DMD: variants seen among roughly 807,000 people sequenced by gnomAD.
The protein encoded by DMD is mutant dystrophin.
In DMD, 63 loss-of-function variants were observed where a neutral mutation model predicts 330.1. The observed-to-expected ratio is 0.19, with a 90% CI of 0.16 to 0.24. DMD has a LOEUF of 0.24. Among genes scored for constraint, DMD ranks in the 10% least tolerant of loss-of-function variants. The pLI is 1.00. For missense variants in DMD, 3,344 were observed against 2,684.1 expected (o/e 1.25, Z -5.43); for synonymous variants, 1,223 against 959.8 (o/e 1.27, Z -5.07).
chrX:31,930,458 C>G (rs1173917214), intron 46 of DMD, among the ~76,000 whole-genome samples: 2 of 111,000 alleles, frequency 1.8e-5, no homozygotes, highest in African/African-American at 3.3e-5. Flanking sequence ...AGTGTATGCC[C>G]TTTCCCAAGA....
Position 33,009,132 on chromosome X carries a change from GTATATATATGTGTATA to G in DMD, c.93+10991_93+11006del, listed in dbSNP as rs1569548814. Among the ~76,000 whole-genome samples the G allele has an allele frequency of 9.5e-5, 3 of 31,509 alleles. 1 individual carries two copies. The highest frequency in any genetic ancestry group is 2.5e-4 in the African/African-American group (2 of 8,059). The allele number at this position is 31,509 out of a possible 115,157, so 27.4% of individuals were successfully genotyped here. ...TATATGTGTATATATACGTATATATGTATATATATGTGTATATATACGTATATATGTATATATATGT... is the reference window on the plus strand; with the variant it reads ...TATATGTGTATATATACGTATATATGTATACGTATATATGTATATATATGT... On this transcript the variant is annotated intron_variant, in intron 2 of 78. Coordinates refer to ENST00000357033, the MANE Select transcript of DMD (RefSeq NM_004006.3).
At chrX:32,718,332 C>G (rs182193303) in intron 7 of DMD, among the ~76,000 whole-genome samples, 1 of 110,870 alleles carries the variant, frequency 9.0e-6, no homozygotes, top group African/African-American at 3.3e-5. Flanking sequence ...TGTGTGAAAG[C>G]GTGTAGCATC....
intron 44 of DMD, among the ~76,000 whole-genome samples, chrX:32,040,203 T>G (rs1364455363): frequency 8.9e-6 from 1 of 111,993 alleles, no homozygotes; most frequent in African/African-American, 3.2e-5. Context: ...AAATTCAAGG[T>G]CGTTGGAGTG....
intron 43 of DMD, among the ~76,000 whole-genome samples, chrX:32,237,147 C>T (rs2097190969): frequency 9.0e-6 from 1 of 110,729 alleles, no homozygotes; most frequent in African/African-American, 3.3e-5. Flanking sequence ...CTACATGCCC[C>T]AAAATATTTT....
At chrX:33,075,593 CAGCAAATGAATTAATACCG>C (rs1400059285) in intron 1 of DMD, among the ~76,000 whole-genome samples, 3 of 112,346 alleles carry the variant, frequency 2.7e-5, no homozygotes, top group African/African-American at 9.7e-5. Flanking sequence ...TTTATAGCAA[CAGCAAATGAATTAATACCG>C]AGCAAATGAA....
intron 2 of DMD, among the ~76,000 whole-genome samples, chrX:33,001,140 T>G (rs1476044677): frequency 9.0e-6 from 1 of 111,565 alleles, no homozygotes. Context: ...TTACAAGATT[T>G]TTTGTGCTCC....
At chrX:31,530,295 C>T (rs938943759) in intron 55 of DMD, among the ~76,000 whole-genome samples, 1 of 111,742 alleles carries the variant, frequency 8.9e-6, no homozygotes, top group Non-Finnish European at 1.9e-5. Context: ...ACCTAAAATC[C>T]ATAATCAGAG....
intron 69 of DMD, among the ~76,000 whole-genome samples, chrX:31,180,101 CT>C (rs2040996953): frequency 9.0e-6 from 1 of 111,244 alleles, no homozygotes; most frequent in Non-Finnish European, 1.9e-5. Flanking sequence ...GTGAAAACGT[CT>C]TCAATACAAC....
chrX:33,147,756 G>T (rs985997246), intron 1 of DMD, among the ~76,000 whole-genome samples: 12 of 111,074 alleles, frequency 1.1e-4, no homozygotes. Context: ...AATTGGTCTC[G>T]AGTATCATTG....
chrX:33,207,326 C>T (rs918666824), intron 1 of DMD, among the ~76,000 whole-genome samples: 2 of 110,928 alleles, frequency 1.8e-5, no homozygotes, highest in African/African-American at 3.3e-5. Flanking sequence ...ACATTGAATG[C>T]TATAATATGC....
At chrX:33,336,586 T>C (rs961269014) in intron 1 of DMD, among the ~76,000 whole-genome samples, 1 of 111,450 alleles carries the variant, frequency 9.0e-6, no homozygotes, top group Non-Finnish European at 1.9e-5. Context: ...ATAATTGTTT[T>C]AGAATATAAA....
chrX:31,742,919 T>C (rs2087482520), intron 51 of DMD, among the ~76,000 whole-genome samples: 1 of 111,817 alleles, frequency 8.9e-6, no homozygotes, highest in Non-Finnish European at 1.9e-5. Flanking sequence ...GTCTACAGAA[T>C]AAGAGAATAT....
intron 1 of DMD, among the ~76,000 whole-genome samples, chrX:33,206,894 G>T (rs1378795418): frequency 9.1e-6 from 1 of 109,777 alleles, no homozygotes; most frequent in Non-Finnish European, 1.9e-5. Flanking sequence ...TTAAGTTCAG[G>T]GCTACAAGTG....
chrX:32,454,343 G>A (rs763498054), intron 26 of DMD, among the ~76,000 whole-genome samples: 18 of 110,874 alleles, frequency 1.6e-4, no homozygotes, highest in Non-Finnish European at 2.1e-4. Flanking sequence ...CAGTTTCAAC[G>A]TACATTTACA....
intron 2 of DMD, among the ~76,000 whole-genome samples, chrX:32,992,425 A>G (rs1278368814): frequency 9.0e-6 from 1 of 111,421 alleles, no homozygotes; most frequent in Non-Finnish European, 1.9e-5. Flanking sequence ...TTTTGATTGT[A>G]TAATCAACTT....
intron 27 of DMD, 33 bp from the exon 28 acceptor site, chrX:32,441,347 T>C (rs1164107523): frequency 8.5e-7 from 1 of 1,181,423 alleles, no homozygotes; most frequent in East Asian, 3.0e-5. Flanking sequence ...AGATTAAATA[T>C]TATGGTAGAA....
chrX:32,199,780 T>TTGTGTGTGTGTGTGTGTG (rs35897988), intron 44 of DMD, among the ~76,000 whole-genome samples: 39 of 84,140 alleles, frequency 4.6e-4, no homozygotes, highest in Non-Finnish European at 5.8e-4. Context: ...CGCAAGGCTT[T>TTGTGTGTGTGTGTGTGTG]TGTGTGTGTG....
At chrX:31,663,177 A>G (rs2081229502) in intron 53 of DMD, among the ~76,000 whole-genome samples, 1 of 111,899 alleles carries the variant, frequency 8.9e-6, no homozygotes, top group Non-Finnish European at 1.9e-5. Context: ...CTGTCTTGGC[A>G]GTATCTCCTT....
chrX:32,433,246 G>GTTGGAGA (rs2098245794), intron 29 of DMD, among the ~76,000 whole-genome samples: 2 of 111,963 alleles, frequency 1.8e-5, no homozygotes, highest in Non-Finnish European at 3.8e-5. Context: ...ATATGAAAAG[G>GTTGGAGA]GTCACAGAGA....
Sources: gnomAD v4.1 joint callset for allele counts (sites outside exome capture counted in the v4.1 genomes callset) on GRCh38, gnomAD v4.1.1 for gene constraint, MANE v1.5 for transcripts, NCBI Gene and HGNC (gene_info 2026-07-23, HGNC 2026-07-21) for gene names.